The following PRKACA variants were observed in gnomAD, a reference collection of about 807,000 sequenced individuals.
PRKACA encodes cAMP-dependent protein kinase catalytic subunit alpha.
A neutral mutation model predicts 45.8 loss-of-function variants in PRKACA; 9 were observed. The observed-to-expected ratio is 0.20, with a 90% CI of 0.12 to 0.34. PRKACA has a LOEUF of 0.34. Ranked by LOEUF, PRKACA falls within the 10% of genes least tolerant of loss-of-function variation. The pLI is 1.00. For synonymous variants in PRKACA, 160 were observed against 178.6 expected, an observed-to-expected ratio of 0.90 and a Z score of 0.83; for missense variants, 238 against 458.6, an observed-to-expected ratio of 0.52 and a Z score of 4.39.
chr19:14,116,562 G>C (rs1292335633), intron 1 of PRKACA, among the ~76,000 whole-genome samples: 2 of 152,128 alleles, frequency 1.3e-5, no homozygotes, highest in East Asian at 3.9e-4. Context: ...CAGGGACTGG[G>C]TGAATGACGG....
At chr19:14,104,874 AAAAACAAAAC>A (rs554353174) in intron 3 of PRKACA, among the ~76,000 whole-genome samples, 21 of 152,186 alleles carry the variant, frequency 1.4e-4, no homozygotes, top group Admixed American at 5.9e-4. Flanking sequence ...ACTCCATCTC[AAAAACAAAAC>A]AAAACAAAAC....
At chr19:14,112,279 G>C (rs1966988125) in intron 1 of PRKACA, 1 of 152,084 alleles carries the variant, frequency 6.6e-6, no homozygotes, top group Non-Finnish European at 1.5e-5. Flanking sequence ...AAGGGTGGGT[G>C]GGATGGGGTG....
chr19:14,109,550 T>C (rs1338376124), intron 1 of PRKACA, among the ~76,000 whole-genome samples: 2 of 149,576 alleles, frequency 1.3e-5, no homozygotes, highest in African/African-American at 2.5e-5. Flanking sequence ...TCCGGGAGAC[T>C]GAGGTTGCAG....
chr19:14,102,411 C>T (rs1220260793), intron 4 of PRKACA, among the ~76,000 whole-genome samples: 2 of 152,090 alleles, frequency 1.3e-5, no homozygotes, highest in African/African-American at 4.8e-5. Context: ...TGGTATGATC[C>T]CCATTTTACC....
Position 14,092,385 on chromosome 19 carries a change from G to C in PRKACA, c.*727C>G, listed in dbSNP as rs1454931859. On this transcript the variant is annotated 3_prime_UTR_variant, in exon 10 of 10. Coordinates refer to ENST00000308677, the MANE Select transcript of PRKACA (RefSeq NM_002730.4). ...AGACCCTCGCAGGATTGGCAGAGAG[G>C]ATTCCCCGGGGAGGGGCCCAGGGGA... 1.1e-5 allele frequency: 4 copies of C among 371,140 alleles called. No individual in the cohort carries two copies. Among genetic ancestry groups the C allele is most frequent in the African/African-American group, 8.3e-5 (4 of 48,012 alleles). 23.0% of individuals were successfully genotyped at this position (371,140 alleles called of 1,614,324 possible).
At chr19:14,109,426 C>T (rs952459461) in intron 1 of PRKACA, among the ~76,000 whole-genome samples, 3 of 151,492 alleles carry the variant, frequency 2.0e-5, no homozygotes, top group East Asian at 2.0e-4. Flanking sequence ...CCAGCCTAGG[C>T]GACGGGGCGA....
Position 14,093,691 on chromosome 19 carries a change from G to A in PRKACA, c.867C>T (p.Val289=). ...ACCACTTGTGGTTCTTGATATCGTT[G>A]ACCCCATTCTTGAGGTTCCCAAAGC... is the stretch of plus-strand genomic sequence containing the variant. ...TKRFGNLKNG[V]NDIKNHKWFA... Residue 289 remains valine, a synonymous_variant, in exon 9 of 10, where the codon GTC becomes GTT. Coordinates refer to ENST00000308677, the MANE Select transcript of PRKACA (RefSeq NM_002730.4). 2 of 1,614,142 alleles carry A rather than the reference G, an allele frequency of 1.2e-6. No individual in the cohort carries two copies. The highest frequency in any genetic ancestry group is 2.2e-5 in the South Asian group (2 of 91,072).
At chr19:14,098,108 T>G (rs1977318545) in intron 5 of PRKACA, 1 of 530,594 alleles carries the variant, frequency 1.9e-6, no homozygotes, top group African/African-American at 1.9e-5. Flanking sequence ...ACAATGGAAT[T>G]CCACTCACCA....
chr19:14,094,361 G>T (rs1314063320), intron 8 of PRKACA, among the ~76,000 whole-genome samples: 1 of 152,112 alleles, frequency 6.6e-6, no homozygotes, highest in Non-Finnish European at 1.5e-5. Context: ...GCTAATTTTT[G>T]TATTTTTAGT....
At chr19:14,102,270 G>A (rs891159873) in intron 4 of PRKACA, among the ~76,000 whole-genome samples, 5 of 151,328 alleles carry the variant, frequency 3.3e-5, no homozygotes, top group Admixed American at 6.6e-5. Context: ...TGGGTCAAAC[G>A]TCCATGAAGC....
chr19:14,106,721 C>T (rs1977617164), intron 3 of PRKACA, 39 bp downstream of exon 3: 1 of 1,612,936 alleles, frequency 6.2e-7, no homozygotes, highest in Non-Finnish European at 8.5e-7. Flanking sequence ...CAGGCAAAGG[C>T]CTGACAGGCA....
chr19:14,092,853 TGG>T lies in PRKACA; in HGVS notation c.*257_*258del. On this transcript the variant is annotated 3_prime_UTR_variant, in exon 10 of 10. Coordinates refer to ENST00000308677, the MANE Select transcript of PRKACA (RefSeq NM_002730.4). ...AAGTGGGCTGGGAGGGCTGAGGGGC[TGG>T]GGGGCTGTGGGGAAAGAGGAAGGGA... is the stretch of plus-strand genomic sequence containing the variant. 5.7e-6 allele frequency: 1 copy of T among 174,310 alleles called. No homozygotes were observed. Among genetic ancestry groups the T allele is most frequent in the Non-Finnish European group, 1.0e-5 (1 of 97,120 alleles). 10.8% of individuals were successfully genotyped at this position (174,310 alleles called of 1,614,324 possible).
chr19:14,100,973 G>A, intron 4 of PRKACA, 65 bp from the exon 5 acceptor site: 2 of 1,419,258 alleles, frequency 1.4e-6, no homozygotes, highest in South Asian at 1.2e-5. Flanking sequence ...GAAGGCCTTG[G>A]GGGCCTCCCC....
In PRKACA at chr19:14,106,872, T is replaced by C. The variant is rs1296563330; in HGVS notation, c.125A>G (p.Asp42Gly). 1 of 1,614,146 alleles carries C rather than the reference T, an allele frequency of 6.2e-7. No individual in the cohort carries two copies. The highest frequency in any genetic ancestry group is 8.5e-7 in the Non-Finnish European group (1 of 1,180,006). Residue 42 changes from aspartate (D) to glycine (G), a missense_variant, in exon 3 of 10, where the codon GAT becomes GGT. By Grantham distance (94) the Asp-to-Gly change is moderately conservative. Transcript: ENST00000308677. ...GAGGGTCTTGATTCGTTCAAACTGA[T>C]CCAAGTGGGCTGTGTTCTGTGGGCA... ...ESPAQNTAHL[D>G]QFERIKTLGT...
intron 5 of PRKACA, among the ~76,000 whole-genome samples, chr19:14,099,997 C>A (rs1201315518): frequency 6.6e-6 from 1 of 151,912 alleles, no homozygotes; most frequent in Non-Finnish European, 1.5e-5. Context: ...CCCGCCATCA[C>A]ACCCGGCTAA....
At chr19:14,115,054 A>G in intron 1 of PRKACA, 1 of 984,660 alleles carries the variant, frequency 1.0e-6, no homozygotes, top group Non-Finnish European at 1.2e-6. Context: ...TCTCAGAATC[A>G]GAGCGCCTCA....
chr19:14,096,996 G>C (rs1977279220), intron 8 of PRKACA: 12 of 352,898 alleles, frequency 3.4e-5, no homozygotes, highest in South Asian at 2.6e-4. Flanking sequence ...ACAGCACCTG[G>C]GAACAGGAAC....
intron 8 of PRKACA, among the ~76,000 whole-genome samples, chr19:14,095,176 C>CTT (rs796833968): frequency 4.5e-5 from 6 of 134,072 alleles, no homozygotes; most frequent in African/African-American, 1.1e-4. Context: ...TTCTTTTTTT[C>CTT]TTTTTTTTTT....
At chr19:14,117,413 G>A (rs1967132015) in intron 1 of PRKACA, 89 bp downstream of exon 1, 1 of 1,193,312 alleles carries the variant, frequency 8.4e-7, no homozygotes, top group East Asian at 3.5e-5. Flanking sequence ...AGGATGAGGG[G>A]CCCCGTAGGG....
Sources: gnomAD v4.1 joint callset for allele counts (sites outside exome capture counted in the v4.1 genomes callset) on GRCh38, gnomAD v4.1.1 for gene constraint, MANE v1.5 for transcripts, NCBI Gene and HGNC (gene_info 2026-07-23, HGNC 2026-07-21) for gene names.